Variants in ANK2 observed in about 807,000 individuals in gnomAD.
ANK2 encodes ankyrin-2.
In ANK2, 83 loss-of-function variants were observed where a neutral mutation model predicts 360.5. The ratio of observed to expected loss-of-function variants is 0.23; its 90% CI spans 0.19 to 0.28. The LOEUF is 0.28. Ranked by LOEUF, ANK2 falls within the 10% of genes least tolerant of loss-of-function variation. ANK2 has a pLI of 1.00. For missense variants in ANK2, 4,201 were observed against 4,795.7 expected, an observed-to-expected ratio of 0.88 and a Z score of 3.66; for synonymous variants, 1,740 against 1,759.5, an observed-to-expected ratio of 0.99 and a Z score of 0.28.
At chr4:112,826,438 A>G (rs145487870) in intron 1 of ANK2, 309 of 1,055,526 alleles carry the variant, frequency 2.9e-4, no homozygotes, top group South Asian at 9.9e-4. Context: ...ACTTTTGAAG[A>G]ATCTTCAGGT....
intron 1 of ANK2, chr4:113,150,993 T>A (rs61478665): frequency 0.25 from 284,237 of 1,133,054 alleles, 37,073 homozygotes; most frequent in South Asian, 0.27. Flanking sequence ...AGGTACTTAG[T>A]AAATATTTGT....
the ANK2 span, among the ~76,000 whole-genome samples, chr4:112,785,453 A>C: frequency 1.5e-4 from 22 of 148,244 alleles, no homozygotes; most frequent in Non-Finnish European, 2.4e-4. Flanking sequence ...GGCTGACTGC[A>C]ACCGCTGCCT....
chr4:113,128,373 A>T (rs2095798372), intron 1 of ANK2, among the ~76,000 whole-genome samples: 1 of 152,276 alleles, frequency 6.6e-6, no homozygotes, highest in Non-Finnish European at 1.5e-5. Context: ...TTATGTGCAT[A>T]GTAATATTAC....
the ANK2 span, among the ~76,000 whole-genome samples, chr4:112,738,238 C>T: frequency 3.9e-5 from 6 of 151,984 alleles, no homozygotes; most frequent in East Asian, 1.9e-4. Flanking sequence ...GGCGAAGCCC[C>T]GTCTCTATTT....
intron 2 of ANK2, among the ~76,000 whole-genome samples, chr4:113,002,846 T>G (rs2051308224): frequency 6.6e-6 from 1 of 152,210 alleles, no homozygotes; most frequent in Non-Finnish European, 1.5e-5. Flanking sequence ...TTATGACATA[T>G]TTCCTCTGGG....
chr4:113,102,186 TGGCTGGTGGCTGTG>T (rs1330219485), intron 1 of ANK2, among the ~76,000 whole-genome samples: 1 of 151,946 alleles, frequency 6.6e-6, no homozygotes, highest in African/African-American at 2.4e-5. Flanking sequence ...GCAGCAGCGG[TGGCTGGTGGCTGTG>T]GGGATGAAAA....
chr4:113,344,540 C>T (rs910475595), intron 34 of ANK2, among the ~76,000 whole-genome samples: 2 of 152,074 alleles, frequency 1.3e-5, no homozygotes, highest in Admixed American at 6.6e-5. Context: ...ATTTACTTCT[C>T]GATGTACACC....
At chr4:112,788,203 A>C in the ANK2 span, 1 of 1,589,952 alleles carries the variant, frequency 6.3e-7, no homozygotes, top group East Asian at 2.2e-5. Context: ...CGTATCTGTC[A>C]TTGTAATTGG....
intron 24 of ANK2, among the ~76,000 whole-genome samples, chr4:113,317,255 A>C (rs1174946924): frequency 1.3e-5 from 2 of 152,158 alleles, no homozygotes; most frequent in Non-Finnish European, 2.9e-5. Context: ...ATAAGCGAAA[A>C]TGAAACTGGG....
chr4:113,282,510 T>G (rs541249079), intron 17 of ANK2, among the ~76,000 whole-genome samples, 165 bp from the exon 18 acceptor site: 166 of 152,308 alleles, frequency 1.1e-3, no homozygotes, highest in Non-Finnish European at 2.1e-3. Context: ...TTGTAGAGAT[T>G]CGGTTATTGT....
the ANK2 span, among the ~76,000 whole-genome samples, chr4:112,777,680 C>T: frequency 4.1e-5 from 6 of 147,456 alleles, no homozygotes; most frequent in Non-Finnish European, 6.0e-5. Flanking sequence ...TGCAGTGGCA[C>T]GATCTCGGCT....
intron 1 of ANK2, among the ~76,000 whole-genome samples, chr4:113,128,162 G>A (rs962524133): frequency 6.6e-6 from 1 of 151,988 alleles, no homozygotes; most frequent in African/African-American, 2.4e-5. Flanking sequence ...TTTCTCTTTG[G>A]GTATAGTAGG....
chr4:112,852,755 G>C (rs1337970729), intron 1 of ANK2, among the ~76,000 whole-genome samples: 1 of 152,126 alleles, frequency 6.6e-6, no homozygotes, highest in Non-Finnish European at 1.5e-5. Flanking sequence ...TGAATCCCAA[G>C]TGAGAGTATT....
chr4:113,180,679 A>G (rs982777746), intron 2 of ANK2, among the ~76,000 whole-genome samples: 3 of 152,200 alleles, frequency 2.0e-5, no homozygotes, highest in Non-Finnish European at 4.4e-5. Flanking sequence ...TAAAAATACT[A>G]AAAACAATTC....
chr4:113,299,705 CAA>C (rs869269685), intron 22 of ANK2, among the ~76,000 whole-genome samples: 1,419 of 75,034 alleles, frequency 0.019, 9 homozygotes, highest in African/African-American at 0.033. Flanking sequence ...AACGACATCT[CAA>C]AAAAAAAAAA....
At chr4:112,751,292 A>C in the ANK2 span, among the ~76,000 whole-genome samples, 2 of 152,202 alleles carry the variant, frequency 1.3e-5, no homozygotes, top group African/African-American at 4.8e-5. Flanking sequence ...CGACCCGTGA[A>C]AGAGAAGAAA....
intron 1 of ANK2, among the ~76,000 whole-genome samples, chr4:112,862,511 C>G (rs1003933316): frequency 5.3e-5 from 8 of 151,920 alleles, no homozygotes; most frequent in Non-Finnish European, 1.0e-4. Context: ...TACCAGAGTT[C>G]TAGTTGTTTT....
At chr4:113,008,434 T>C (rs1177734196) in intron 2 of ANK2, among the ~76,000 whole-genome samples, 1 of 152,200 alleles carries the variant, frequency 6.6e-6, no homozygotes, top group Admixed American at 6.5e-5. Flanking sequence ...AATTTAATTC[T>C]CCTATTTGGA....
intron 1 of ANK2, among the ~76,000 whole-genome samples, chr4:113,086,705 G>A (rs951940561): frequency 1.3e-5 from 2 of 152,188 alleles, no homozygotes; most frequent in African/African-American, 4.8e-5. Flanking sequence ...GTGATGGGGG[G>A]CTCTTCAAAC....
Sources: gnomAD v4.1 joint callset for allele counts (sites outside exome capture counted in the v4.1 genomes callset) on GRCh38, gnomAD v4.1.1 for gene constraint, MANE v1.5 for transcripts, NCBI Gene and HGNC (gene_info 2026-07-23, HGNC 2026-07-21) for gene names.